The following FAM227B variants were observed in gnomAD, a reference collection of about 807,000 sequenced individuals.
FAM227B encodes the protein family with sequence similarity 227 member B.
In FAM227B, 88 loss-of-function variants were observed where a neutral mutation model predicts 73.8. The ratio of observed to expected loss-of-function variants is 1.19; its 90% CI spans 1.00 to 1.42. The LOEUF (loss-of-function observed/expected upper bound fraction) is 1.42. Among genes scored for constraint, FAM227B ranks in the 40% most tolerant of loss-of-function variants. FAM227B has a pLI of 0.00. For missense variants in FAM227B, 632 were observed against 590.9 expected (o/e 1.07, Z -0.72); for synonymous variants, 210 against 190.5 (o/e 1.10, Z -0.84).
chr15:49,585,049 T>A (rs1355747540), intron 5 of FAM227B, among the ~76,000 whole-genome samples: 1 of 152,174 alleles, frequency 6.6e-6, no homozygotes, highest in Non-Finnish European at 1.5e-5. Context: ...CAGACACTTC[T>A]CTAAAGAAGA....
intron 11 of FAM227B, among the ~76,000 whole-genome samples, chr15:49,492,901 T>C (rs183523000): frequency 6.6e-6 from 1 of 152,060 alleles, no homozygotes. Context: ...GTCTTCTACA[T>C]AAATGATCAA....
intron 11 of FAM227B, among the ~76,000 whole-genome samples, chr15:49,446,782 G>A (rs1741633192): frequency 6.6e-6 from 1 of 151,378 alleles, no homozygotes; most frequent in Admixed American, 6.6e-5. Flanking sequence ...AGAGAAGATA[G>A]CACAAAACAA....
chr15:49,571,864 G>T lies in FAM227B; in HGVS notation c.645+3147C>A, dbSNP rs530054691. ...GCAGTTCCATATAAATTTTAGGACT[G>T]TTTTCTTCTATCTCTGTTTAAACAT... On this transcript the variant is annotated intron_variant, in intron 8 of 15. Coordinates refer to ENST00000299338, the MANE Select transcript of FAM227B (RefSeq NM_152647.3). Among the ~76,000 whole-genome samples the T allele has an allele frequency of 3.9e-5, 6 of 151,924 alleles. No homozygotes were observed. The East Asian group carries it at 1.2e-3, about 29-fold the overall frequency.
At chr15:49,386,506 G>C (rs1334774484) in intron 11 of FAM227B, among the ~76,000 whole-genome samples, 1 of 151,858 alleles carries the variant, frequency 6.6e-6, no homozygotes, top group African/African-American at 2.4e-5. Context: ...CAAAAGCAGT[G>C]CTTAGAGGAA....
chr15:49,361,786 G>A (rs2044287566), intron 13 of FAM227B, among the ~76,000 whole-genome samples: 1 of 152,130 alleles, frequency 6.6e-6, no homozygotes, highest in Admixed American at 6.5e-5. Context: ...TGAGTTGAAT[G>A]GTAATTCTGC....
At chr15:49,413,095 A>G (rs2048976053) in intron 11 of FAM227B, among the ~76,000 whole-genome samples, 1 of 152,042 alleles carries the variant, frequency 6.6e-6, no homozygotes, top group South Asian at 2.1e-4. Context: ...TGTCTCTTAC[A>G]TTGAATAAGG....
chr15:49,570,550 T>G (rs2075019458), intron 8 of FAM227B, among the ~76,000 whole-genome samples: 1 of 151,874 alleles, frequency 6.6e-6, no homozygotes, highest in Non-Finnish European at 1.5e-5. Context: ...CACCATGCAG[T>G]ATAATAGATC....
chr15:49,505,311 T>C (rs1269200605), intron 11 of FAM227B, among the ~76,000 whole-genome samples: 1 of 152,126 alleles, frequency 6.6e-6, no homozygotes, highest in Non-Finnish European at 1.5e-5. Flanking sequence ...AGATGTTTTT[T>C]TACCTCGAGT....
chr15:49,562,245 C>A (rs572570088), intron 9 of FAM227B, among the ~76,000 whole-genome samples: 232 of 152,088 alleles, frequency 1.5e-3, no homozygotes, highest in African/African-American at 5.3e-3. Context: ...GTTAGAAAAT[C>A]TAGAATAAAT....
At chr15:49,478,917 A>C (rs1425743981) in intron 11 of FAM227B, among the ~76,000 whole-genome samples, 1 of 152,212 alleles carries the variant, frequency 6.6e-6, no homozygotes, top group Non-Finnish European at 1.5e-5. Context: ...TCTGAAATAC[A>C]AGATTAGAGG....
chr15:49,449,500 A>G (rs2052526677), intron 11 of FAM227B, among the ~76,000 whole-genome samples: 1 of 151,998 alleles, frequency 6.6e-6, no homozygotes, highest in African/African-American at 2.4e-5. Context: ...ACCACCTAAA[A>G]TAGGATACCC....
In FAM227B at chr15:49,576,740, C is replaced by T. The variant is rs774457205; in HGVS notation, c.546+1G>A. The T allele has an allele frequency of 8.0e-5, 119 of 1,484,994 alleles. No individual in the cohort carries two copies. Among genetic ancestry groups the T allele is most frequent in the Non-Finnish European group, 1.1e-4 (115 of 1,064,082 alleles). 92.0% of individuals were successfully genotyped at this position (1,484,994 alleles called of 1,614,324 possible). On this transcript the variant is annotated splice_donor_variant, in intron 7 of 15. Coordinates refer to ENST00000299338, the MANE Select transcript of FAM227B (RefSeq NM_152647.3). LOFTEE classifies it high-confidence loss of function. ...TACAATAAAATGAAATATTTACATACATCAAAATTATGGGCTTTTAAAATA... is the reference window on the plus strand; with the variant it reads ...TACAATAAAATGAAATATTTACATATATCAAAATTATGGGCTTTTAAAATA...
intron 10 of FAM227B, among the ~76,000 whole-genome samples, chr15:49,538,610 T>C (rs1233140594): frequency 6.6e-6 from 1 of 152,154 alleles, no homozygotes; most frequent in Admixed American, 6.5e-5. Flanking sequence ...TTAACTCTTT[T>C]AATGGTTTCC....
At chr15:49,567,876 A>G (rs1439410485) in intron 9 of FAM227B, among the ~76,000 whole-genome samples, 5 of 152,204 alleles carry the variant, frequency 3.3e-5, no homozygotes, top group African/African-American at 1.2e-4. Flanking sequence ...CATAAAATAA[A>G]CTTGTAAAGT....
intron 11 of FAM227B, chr15:49,425,450 T>C (rs1337121933): frequency 6.6e-6 from 1 of 152,066 alleles, no homozygotes; most frequent in Non-Finnish European, 1.5e-5. Flanking sequence ...CACCTCAACA[T>C]GTACATTAAG....
chr15:49,478,790 T>C (rs1000811796), intron 11 of FAM227B, among the ~76,000 whole-genome samples: 1 of 152,104 alleles, frequency 6.6e-6, no homozygotes, highest in Non-Finnish European at 1.5e-5. Context: ...GATGCTGAGA[T>C]TGGTGGGCAT....
intron 10 of FAM227B, among the ~76,000 whole-genome samples, chr15:49,517,850 T>C (rs1352855877): frequency 1.3e-5 from 2 of 152,218 alleles, no homozygotes; most frequent in African/African-American, 4.8e-5. Flanking sequence ...ATTAGTTTTA[T>C]AGATGTTGAC....
intron 11 of FAM227B, among the ~76,000 whole-genome samples, chr15:49,490,322 C>A (rs2056977609): frequency 6.6e-6 from 1 of 151,808 alleles, no homozygotes; most frequent in Non-Finnish European, 1.5e-5. Context: ...GTTCTCCCTC[C>A]CCCACCACAG....
intron 11 of FAM227B, among the ~76,000 whole-genome samples, chr15:49,482,997 T>A (rs1449235419): frequency 1.3e-5 from 2 of 152,116 alleles, no homozygotes; most frequent in South Asian, 2.1e-4. Context: ...TTTGTGTGTA[T>A]CTGTTGTGGG....
Sources: allele counts gnomAD v4.1 joint callset (sites outside exome capture counted in the v4.1 genomes callset), GRCh38; gene constraint gnomAD v4.1.1; transcripts MANE v1.5; gene names NCBI Gene and HGNC (gene_info 2026-07-23, HGNC 2026-07-21).